SGCZ: variants seen among roughly 807,000 people sequenced by gnomAD.
The protein encoded by SGCZ is sarcoglycan zeta.
In SGCZ, 40 loss-of-function variants were observed where a neutral mutation model predicts 41.3. The ratio of observed to expected loss-of-function variants is 0.97; its 90% CI spans 0.75 to 1.26. The LOEUF (loss-of-function observed/expected upper bound fraction) is 1.26. Among genes scored for constraint, SGCZ ranks in the 50% most tolerant of loss-of-function variants. The pLI, the probability that SGCZ is intolerant of heterozygous loss-of-function variation, is 0.00. For synonymous variants in SGCZ, 206 were observed against 137.5 expected, an observed-to-expected ratio of 1.50 and a Z score of -3.49; for missense variants, 552 against 369.8, an observed-to-expected ratio of 1.49 and a Z score of -4.04.
At chr8:14,568,045 C>T (rs1804432659) in intron 1 of SGCZ, among the ~76,000 whole-genome samples, 1 of 151,408 alleles carries the variant, frequency 6.6e-6, no homozygotes, top group Admixed American at 6.6e-5. Context: ...GATCAACCTC[C>T]TTTCAGTGTT....
chr8:14,477,555 T>C (rs929407192), intron 2 of SGCZ, among the ~76,000 whole-genome samples: 4 of 152,186 alleles, frequency 2.6e-5, no homozygotes, highest in Non-Finnish European at 4.4e-5. Flanking sequence ...TATTTTATTC[T>C]CCTTCAGTAG....
chr8:14,585,600 C>G (rs1301226214), intron 1 of SGCZ, among the ~76,000 whole-genome samples: 1 of 152,042 alleles, frequency 6.6e-6, no homozygotes, highest in African/African-American at 2.4e-5. Context: ...AAGTTTTACT[C>G]TCAGCCTACA....
Position 14,557,326 on chromosome 8 carries a change from T to C in SGCZ, c.40-2400A>G, listed in dbSNP as rs187700272. Among the ~76,000 whole-genome samples the C allele has an allele frequency of 3.3e-5, 5 of 152,050 alleles. No individual in the cohort carries two copies. In the South Asian group the frequency reaches 6.2e-4, roughly 19 times the overall value. ...TGAGTTCCTAGTAGATTTTGGATAG[T>C]AGTCTTTTGTTGAATGTATAGATTG... On this transcript the variant is annotated intron_variant, in intron 1 of 7. Transcript: ENST00000382080.
chr8:15,102,614 T>C (rs1339278965), intron 1 of SGCZ, among the ~76,000 whole-genome samples: 1 of 152,140 alleles, frequency 6.6e-6, no homozygotes, highest in African/African-American at 2.4e-5. Context: ...ACTGGGAACA[T>C]GGAGGGACAG....
chr8:14,866,087 A>G (rs1028109814), intron 1 of SGCZ, among the ~76,000 whole-genome samples: 1 of 152,104 alleles, frequency 6.6e-6, no homozygotes. Flanking sequence ...TTACAATGTA[A>G]AGCAGAAAAA....
chr8:15,032,893 C>T (rs1002915757), intron 1 of SGCZ, among the ~76,000 whole-genome samples: 1 of 152,110 alleles, frequency 6.6e-6, no homozygotes, highest in Non-Finnish European at 1.5e-5. Context: ...CCCCTGTGGC[C>T]CCAGGCTCCA....
chr8:14,137,879 C>G (rs6990546), intron 5 of SGCZ, among the ~76,000 whole-genome samples: 4 of 152,090 alleles, frequency 2.6e-5, no homozygotes, highest in South Asian at 4.1e-4. Context: ...ACATAATTGT[C>G]AGATTCACCA....
chr8:14,821,827 C>T (rs1802098733), intron 1 of SGCZ, among the ~76,000 whole-genome samples: 1 of 151,806 alleles, frequency 6.6e-6, no homozygotes. Flanking sequence ...CAATAAAGGC[C>T]ATACGGGACA....
intron 1 of SGCZ, among the ~76,000 whole-genome samples, chr8:14,868,559 T>A (rs1471910259): frequency 1.3e-5 from 2 of 152,144 alleles, no homozygotes; most frequent in Non-Finnish European, 2.9e-5. Context: ...AGTAATTGAT[T>A]TTCTGGAGAG....
chr8:14,547,709 AC>A (rs545780331), intron 2 of SGCZ, among the ~76,000 whole-genome samples: 163 of 152,250 alleles, frequency 1.1e-3, no homozygotes, highest in Admixed American at 7.1e-3. Context: ...CAGATGAAGC[AC>A]CGAAGCCAGA....
intron 1 of SGCZ, among the ~76,000 whole-genome samples, chr8:14,580,703 A>C (rs1804859542): frequency 6.6e-6 from 1 of 152,206 alleles, no homozygotes; most frequent in South Asian, 2.1e-4. Context: ...TTTGGCAAAT[A>C]ATTATGGCTC....
At chr8:14,716,423 A>G (rs1809692472) in intron 1 of SGCZ, among the ~76,000 whole-genome samples, 1 of 152,106 alleles carries the variant, frequency 6.6e-6, no homozygotes, top group Non-Finnish European at 1.5e-5. Flanking sequence ...TTATTAATCT[A>G]TACAGATATA....
intron 5 of SGCZ, among the ~76,000 whole-genome samples, chr8:14,115,010 G>T (rs1802481068): frequency 1.3e-5 from 2 of 151,906 alleles, no homozygotes; most frequent in South Asian, 4.1e-4. Context: ...TTTAAAAATT[G>T]TACATAAATA....
intron 1 of SGCZ, among the ~76,000 whole-genome samples, chr8:15,019,164 T>G (rs887779160): frequency 2.2e-4 from 33 of 152,096 alleles, no homozygotes; most frequent in African/African-American, 8.0e-4. Flanking sequence ...GGGAAACAGA[T>G]CCAAACCATA....
chr8:14,086,800 G>A lies in SGCZ; in HGVS notation c.*3643C>T, dbSNP rs914228578. Among the ~76,000 whole-genome samples the A allele has an allele frequency of 2.6e-5, 4 of 151,636 alleles. No homozygotes were observed. Among genetic ancestry groups the A allele is most frequent in the Non-Finnish European group, 5.9e-5 (4 of 67,730 alleles). On this transcript the variant is annotated 3_prime_UTR_variant, in exon 8 of 8. Transcript: ENST00000382080. ...AAGGTTTGTATTTCAACTTTTATAAGCAGCTTTTTAAGGTGCAGAAGGAGA... is the reference window on the plus strand; with the variant it reads ...AAGGTTTGTATTTCAACTTTTATAAACAGCTTTTTAAGGTGCAGAAGGAGA...
intron 1 of SGCZ, among the ~76,000 whole-genome samples, chr8:15,000,212 C>T (rs1802367321): frequency 6.6e-6 from 1 of 152,082 alleles, no homozygotes; most frequent in Non-Finnish European, 1.5e-5. Flanking sequence ...CAACCCTGCC[C>T]AGCACCTTGA....
rs1435666109 is a variant in SGCZ, at chr8:14,219,699, A to T, written c.424+17893T>A. Among the ~76,000 whole-genome samples, 9 of 152,024 alleles carry T rather than the reference A, an allele frequency of 5.9e-5. No homozygotes were observed. The East Asian group carries it at 1.2e-3, about 20-fold the overall frequency. The stretch of plus-strand genomic sequence containing the variant: ...GAGCTGGAGGTTGCAGTGAGCCGAG[A>T]TCGCACCACTGCACTCCAGCCTGGC... On this transcript the variant is annotated intron_variant, in intron 4 of 7. Coordinates refer to ENST00000382080, the MANE Select transcript of SGCZ (RefSeq NM_139167.4).
chr8:14,886,958 C>T (rs1244101704), intron 1 of SGCZ, among the ~76,000 whole-genome samples: 1 of 152,014 alleles, frequency 6.6e-6, no homozygotes, highest in Non-Finnish European at 1.5e-5. Context: ...TATTAGATTA[C>T]AGTGGGGGGT....
intron 1 of SGCZ, among the ~76,000 whole-genome samples, chr8:15,092,441 T>G (rs1016614501): frequency 2.6e-5 from 4 of 152,218 alleles, no homozygotes; most frequent in African/African-American, 9.6e-5. Flanking sequence ...TATAGTAATT[T>G]GGAAGTGGGA....
Sources: allele counts gnomAD v4.1 joint callset (sites outside exome capture counted in the v4.1 genomes callset), GRCh38; gene constraint gnomAD v4.1.1; transcripts MANE v1.5; gene names NCBI Gene and HGNC (gene_info 2026-07-23, HGNC 2026-07-21).